The following TMEM232 variants were observed in gnomAD, a reference collection of about 807,000 sequenced individuals.
TMEM232 encodes the protein transmembrane protein 232.
A neutral mutation model predicts 78.8 loss-of-function variants in TMEM232; 80 were observed. That is an observed-to-expected ratio of 1.01 (90% CI 0.85 to 1.22). The LOEUF is 1.22. TMEM232 is among the 50% of genes most tolerant of loss of function. The pLI, the probability that TMEM232 is intolerant of heterozygous loss-of-function variation, is 0.00. For synonymous variants in TMEM232, 297 were observed against 254.3 expected (o/e 1.17, Z -1.60); for missense variants, 881 against 742.2 (o/e 1.19, Z -2.17).
chr5:110,588,002 C>T (rs548190438), intron 10 of TMEM232, among the ~76,000 whole-genome samples: 5 of 151,606 alleles, frequency 3.3e-5, no homozygotes, highest in Non-Finnish European at 7.4e-5. Context: ...AAACCACAAC[C>T]TTATTACTGA....
chr5:110,664,268 T>C (rs1477626401), intron 2 of TMEM232, among the ~76,000 whole-genome samples: 2 of 152,218 alleles, frequency 1.3e-5, no homozygotes, highest in African/African-American at 2.4e-5. Context: ...AAATTCATTA[T>C]ATTAGAATTT....
intron 12 of TMEM232, among the ~76,000 whole-genome samples, chr5:110,506,503 A>G (rs560914734): frequency 2.3e-4 from 35 of 151,986 alleles, no homozygotes; most frequent in Non-Finnish European, 4.1e-4. Flanking sequence ...CACTGTTGTG[A>G]CTCCCCAAGA....
chr5:110,727,661 C>A (rs1355413775), upstream of TMEM232, among the ~76,000 whole-genome samples: 3 of 152,028 alleles, frequency 2.0e-5, no homozygotes, highest in East Asian at 3.8e-4. Flanking sequence ...TGTGAAATGA[C>A]CTGCCTTTAA....
intron 1 of TMEM232, among the ~76,000 whole-genome samples, chr5:110,736,368 T>C (rs1433249028): frequency 6.6e-6 from 1 of 151,966 alleles, no homozygotes; most frequent in African/African-American, 2.4e-5. Flanking sequence ...TAAAATAATT[T>C]TTCTTCTTAC....
Position 110,643,524 on chromosome 5 carries a change from C to A in TMEM232, c.126-1153G>T, listed in dbSNP as rs1383675130. 1.1e-4 allele frequency among the ~76,000 whole-genome samples: 17 copies of A among 151,952 alleles called. No individual in the cohort carries two copies. The East Asian group carries it at 2.5e-3, about 22-fold the overall frequency. Reference sequence around the variant, plus strand: ...AAGTGAAGTGACAATAAGGATGTACCACAAAATTGAAGATGGGCATGGGAC... The same window carrying A: ...AAGTGAAGTGACAATAAGGATGTACAACAAAATTGAAGATGGGCATGGGAC... On this transcript the variant is annotated intron_variant, in intron 2 of 13. Coordinates refer to ENST00000455884, the MANE Select transcript of TMEM232 (RefSeq NM_001039763.4).
chr5:110,631,220 C>T (rs183046722), intron 5 of TMEM232, among the ~76,000 whole-genome samples: 5 of 152,116 alleles, frequency 3.3e-5, no homozygotes, highest in Admixed American at 1.3e-4. Context: ...GATGGTGCAG[C>T]GCATTAACAT....
chr5:110,648,533 G>C (rs184136544), intron 2 of TMEM232, among the ~76,000 whole-genome samples: 81 of 152,190 alleles, frequency 5.3e-4, no homozygotes, highest in African/African-American at 1.9e-3. Context: ...AGTATGGTAT[G>C]TTTGTGAATA....
intron 11 of TMEM232, among the ~76,000 whole-genome samples, chr5:110,564,838 C>T (rs952738110): frequency 2.6e-5 from 4 of 152,002 alleles, no homozygotes; most frequent in South Asian, 2.1e-4. Context: ...AAAATACCAA[C>T]CCAATTTTCC....
intron 2 of TMEM232, among the ~76,000 whole-genome samples, chr5:110,646,163 C>T (rs971413007): frequency 2.4e-4 from 37 of 151,556 alleles, no homozygotes; most frequent in African/African-American, 8.5e-4. Context: ...TCCATATTAC[C>T]CAAAGAGATC....
At chr5:110,636,890 C>G (rs1186863245) in intron 5 of TMEM232, among the ~76,000 whole-genome samples, 3 of 151,998 alleles carry the variant, frequency 2.0e-5, no homozygotes, top group Non-Finnish European at 2.9e-5. Flanking sequence ...TTGCAGATAA[C>G]AGGGCATGTG....
intron 2 of TMEM232, among the ~76,000 whole-genome samples, chr5:110,650,553 G>A (rs1223013363): frequency 2.0e-5 from 3 of 152,120 alleles, no homozygotes; most frequent in African/African-American, 7.2e-5. Context: ...TTAACCTCAG[G>A]TCTCTCTCAC....
chr5:110,519,050 A>C (rs1275111364), intron 12 of TMEM232, among the ~76,000 whole-genome samples: 2 of 152,218 alleles, frequency 1.3e-5, no homozygotes, highest in African/African-American at 4.8e-5. Context: ...AGAATAATAC[A>C]GAAACAGAAA....
intron 1 of TMEM232, among the ~76,000 whole-genome samples, chr5:110,677,298 T>C (rs1792150073): frequency 6.6e-6 from 1 of 152,116 alleles, no homozygotes; most frequent in South Asian, 2.1e-4. Context: ...ATTAACCTTT[T>C]TTTGGATGTG....
chr5:110,686,809 G>A (rs887913596), intron 1 of TMEM232, among the ~76,000 whole-genome samples: 1 of 152,074 alleles, frequency 6.6e-6, no homozygotes. Context: ...GAACATAAAA[G>A]TTCAAAAACA....
At chr5:110,546,310 C>T (rs75783865) in intron 11 of TMEM232, among the ~76,000 whole-genome samples, 2,955 of 152,050 alleles carry the variant, frequency 0.019, 90 homozygotes, top group African/African-American at 0.068. Flanking sequence ...AATGGATTTA[C>T]CACTGTTGTA....
chr5:110,591,391 T>G (rs1312911302), intron 10 of TMEM232, among the ~76,000 whole-genome samples: 1 of 152,132 alleles, frequency 6.6e-6, no homozygotes, highest in East Asian at 1.9e-4. Context: ...CTATTTTAAA[T>G]GATTTTCAGT....
intron 1 of TMEM232, among the ~76,000 whole-genome samples, chr5:110,685,183 C>T (rs1352487959): frequency 6.6e-6 from 1 of 151,942 alleles, no homozygotes; most frequent in Admixed American, 6.6e-5. Flanking sequence ...TAGTAAAATA[C>T]TACATATAAA....
chr5:110,421,404 A>T (rs979519129), intron 13 of TMEM232, among the ~76,000 whole-genome samples: 14 of 151,730 alleles, frequency 9.2e-5, no homozygotes, highest in Non-Finnish European at 1.3e-4. Context: ...TCAATCAAAC[A>T]TCATCATGAA....
intron 12 of TMEM232, among the ~76,000 whole-genome samples, chr5:110,502,840 C>T (rs1371515969): frequency 6.6e-6 from 1 of 152,194 alleles, no homozygotes. Flanking sequence ...TCTCTTCCAG[C>T]AGGCCTCCAC....
Sources: allele counts gnomAD v4.1 joint callset (sites outside exome capture counted in the v4.1 genomes callset), GRCh38; gene constraint gnomAD v4.1.1; transcripts MANE v1.5; gene names NCBI Gene and HGNC (gene_info 2026-07-23, HGNC 2026-07-21).